The following ARHGAP24 variants were observed in gnomAD, a reference collection of about 807,000 sequenced individuals.
ARHGAP24 encodes the protein Rho GTPase activating protein 24, also known as rho GTPase-activating protein 24.
A neutral mutation model predicts 76.4 loss-of-function variants in ARHGAP24; 50 were observed. That is an observed-to-expected ratio of 0.65 (90% CI 0.52 to 0.83). The LOEUF is 0.83. Among genes scored for constraint, ARHGAP24 ranks in the 40% least tolerant of loss-of-function variants. ARHGAP24 has a pLI of 0.00. For synonymous variants in ARHGAP24, 345 were observed against 323.3 expected (o/e 1.07, Z -0.72); for missense variants, 930 against 914.2 (o/e 1.02, Z -0.22).
intron 3 of ARHGAP24, among the ~76,000 whole-genome samples, chr4:85,871,075 G>A (rs1028915269): frequency 2.6e-5 from 4 of 152,068 alleles, no homozygotes; most frequent in African/African-American, 4.8e-5. Context: ...AATTCCTGGT[G>A]GGGAGAAAGG....
At chr4:85,815,321 A>T (rs1439533006) in intron 3 of ARHGAP24, among the ~76,000 whole-genome samples, 1 of 152,114 alleles carries the variant, frequency 6.6e-6, no homozygotes, top group African/African-American at 2.4e-5. Context: ...TTTCTTTTCT[A>T]TCACATTGTC....
At chr4:85,541,184 C>T (rs1285990468) in intron 1 of ARHGAP24, among the ~76,000 whole-genome samples, 1 of 90,472 alleles carries the variant, frequency 1.1e-5, no homozygotes, top group Non-Finnish European at 1.8e-5. Context: ...GACGGAGTCT[C>T]GCTCTGTCGC....
chr4:85,642,449 A>G (rs947976706), intron 2 of ARHGAP24, among the ~76,000 whole-genome samples: 1 of 152,100 alleles, frequency 6.6e-6, no homozygotes, highest in Non-Finnish European at 1.5e-5. Context: ...CAAACTCAGC[A>G]TGCTCCAAAC....
chr4:85,837,929 A>G (rs183752052), intron 3 of ARHGAP24, among the ~76,000 whole-genome samples: 16 of 152,298 alleles, frequency 1.1e-4, no homozygotes, highest in Non-Finnish European at 2.2e-4. Flanking sequence ...GGCTTTATCT[A>G]TATGCTAAGT....
chr4:85,656,389 G>A (rs1391964701), intron 2 of ARHGAP24, among the ~76,000 whole-genome samples: 1 of 148,274 alleles, frequency 6.7e-6, no homozygotes, highest in Non-Finnish European at 1.5e-5. Flanking sequence ...GAAAGATAAA[G>A]TAATATAATT....
intron 3 of ARHGAP24, among the ~76,000 whole-genome samples, chr4:85,773,716 C>T (rs1727212144): frequency 6.6e-6 from 1 of 152,106 alleles, no homozygotes; most frequent in South Asian, 2.1e-4. Flanking sequence ...CAAATATAGG[C>T]ACGTCAATAA....
At chr4:85,711,023 A>C (rs1724507963) in intron 2 of ARHGAP24, among the ~76,000 whole-genome samples, 1 of 152,218 alleles carries the variant, frequency 6.6e-6, no homozygotes, top group Admixed American at 6.5e-5. Context: ...AGATTAAATA[A>C]AGAAAATGTA....
At chr4:85,599,872 A>G (rs1475321323) in intron 2 of ARHGAP24, among the ~76,000 whole-genome samples, 1 of 152,134 alleles carries the variant, frequency 6.6e-6, no homozygotes, top group Non-Finnish European at 1.5e-5. Context: ...TTATTTGTTC[A>G]TTCAAATAAT....
chr4:85,760,872 C>T (rs1290753789), intron 3 of ARHGAP24, among the ~76,000 whole-genome samples: 1 of 152,162 alleles, frequency 6.6e-6, no homozygotes, highest in African/African-American at 2.4e-5. Flanking sequence ...ATGTTTTCTG[C>T]TTTCCAATCT....
chr4:85,499,889 C>A (rs1163264479), intron 1 of ARHGAP24, among the ~76,000 whole-genome samples: 1 of 152,048 alleles, frequency 6.6e-6, no homozygotes, highest in Non-Finnish European at 1.5e-5. Flanking sequence ...ATAATCGGTA[C>A]TATTTTTAAT....
intron 1 of ARHGAP24, among the ~76,000 whole-genome samples, chr4:85,511,828 G>C (rs768582200): frequency 6.6e-6 from 1 of 152,152 alleles, no homozygotes; most frequent in Non-Finnish European, 1.5e-5. Context: ...GGAGGGCCAC[G>C]CTCCCTCTGA....
chr4:85,828,638 C>T, intron 3 of ARHGAP24, among the ~76,000 whole-genome samples: 1 of 151,868 alleles, frequency 6.6e-6, no homozygotes, highest in South Asian at 2.1e-4. Flanking sequence ...ATTTTGTAAC[C>T]TTACATTCTG....
intron 1 of ARHGAP24, among the ~76,000 whole-genome samples, chr4:85,544,475 A>G (rs1375263874): frequency 2.0e-5 from 3 of 152,114 alleles, no homozygotes; most frequent in African/African-American, 7.2e-5. Flanking sequence ...TTCAATAGGA[A>G]CAAAAGGAAG....
chr4:85,558,687 A>G (rs1398717489), intron 1 of ARHGAP24, among the ~76,000 whole-genome samples: 1 of 152,242 alleles, frequency 6.6e-6, no homozygotes, highest in East Asian at 1.9e-4. Flanking sequence ...AGAAAGCCTA[A>G]TCATTTTGCT....
At chr4:85,977,461 T>C (rs1211564817) in intron 7 of ARHGAP24, 109 bp from the exon 8 acceptor site, 2 of 1,262,586 alleles carry the variant, frequency 1.6e-6, no homozygotes, top group Non-Finnish European at 2.3e-6. Flanking sequence ...TCTGTCTCCA[T>C]AGTCATCTTT....
At chr4:85,939,888 C>T (rs1300924381) in intron 4 of ARHGAP24, among the ~76,000 whole-genome samples, 1 of 127,896 alleles carries the variant, frequency 7.8e-6, no homozygotes, top group Non-Finnish European at 1.6e-5. Context: ...CAATCCAAAG[C>T]AAAAATCGAA....
intron 2 of ARHGAP24, among the ~76,000 whole-genome samples, chr4:85,581,682 C>T (rs1727619035): frequency 6.6e-6 from 1 of 152,078 alleles, no homozygotes; most frequent in Non-Finnish European, 1.5e-5. Context: ...GATTCTAGTA[C>T]AATTTTTGAA....
intron 2 of ARHGAP24, among the ~76,000 whole-genome samples, chr4:85,662,619 T>A (rs1722442521): frequency 6.6e-6 from 1 of 151,888 alleles, no homozygotes; most frequent in Non-Finnish European, 1.5e-5. Flanking sequence ...TGGTATTGCC[T>A]AGGTTTTCTT....
chr4:85,698,901 G>A (rs1333412313), intron 2 of ARHGAP24, among the ~76,000 whole-genome samples: 2 of 152,168 alleles, frequency 1.3e-5, no homozygotes, highest in Non-Finnish European at 1.5e-5. Flanking sequence ...CTGTCTTTGT[G>A]ATAGTGAGTT....
Sources: allele counts gnomAD v4.1 joint callset (sites outside exome capture counted in the v4.1 genomes callset), GRCh38; gene constraint gnomAD v4.1.1; transcripts MANE v1.5; gene names NCBI Gene and HGNC (gene_info 2026-07-23, HGNC 2026-07-21).